BMP2K: variants seen among roughly 807,000 people sequenced by gnomAD.
BMP2K encodes BMP2 inducible kinase.
Under a neutral mutation model 116.0 loss-of-function variants are expected in BMP2K, and 74 were observed. That is an observed-to-expected ratio of 0.64 (90% CI 0.53 to 0.77). The LOEUF (loss-of-function observed/expected upper bound fraction) is 0.77. Ranked by LOEUF, BMP2K falls within the 30% of genes least tolerant of loss-of-function variation. The pLI is 0.00. For synonymous variants in BMP2K, 486 were observed against 502.5 expected (o/e 0.97, Z 0.44); for missense variants, 1,365 against 1,403.6 (o/e 0.97, Z 0.44).
intron 1 of BMP2K, among the ~76,000 whole-genome samples, chr4:78,824,405 CAG>C (rs1243852531): frequency 6.6e-6 from 1 of 152,156 alleles, no homozygotes; most frequent in Non-Finnish European, 1.5e-5. Flanking sequence ...GAATGAGGAG[CAG>C]AGTTACAACT....
intron 15 of BMP2K, among the ~76,000 whole-genome samples, chr4:78,902,365 T>C: frequency 6.6e-6 from 1 of 152,142 alleles, no homozygotes; most frequent in East Asian, 1.9e-4. Flanking sequence ...GGCTGGGAAA[T>C]ACTGTTCACA....
chr4:78,838,771 C>T (rs556453646), intron 3 of BMP2K, among the ~76,000 whole-genome samples: 7 of 152,252 alleles, frequency 4.6e-5, no homozygotes, highest in Admixed American at 1.3e-4. Context: ...TATCCCCTTA[C>T]GTGGTTTTAG....
chr4:78,859,993 A>C, intron 8 of BMP2K: 1 of 535,456 alleles, frequency 1.9e-6, no homozygotes, highest in Non-Finnish European at 3.5e-6. Flanking sequence ...TGGGCCTAAC[A>C]GTTTAATAAA....
At chr4:78,897,763 T>A (rs1055485596) in intron 15 of BMP2K, among the ~76,000 whole-genome samples, 3 of 152,194 alleles carry the variant, frequency 2.0e-5, no homozygotes, top group Non-Finnish European at 2.9e-5. Context: ...GTGATTAATA[T>A]GGGCATAGTC....
chr4:78,846,299 T>A (rs1730996203), intron 5 of BMP2K, among the ~76,000 whole-genome samples: 1 of 151,620 alleles, frequency 6.6e-6, no homozygotes, highest in African/African-American at 2.4e-5. Flanking sequence ...GTATAGTGAA[T>A]AAAAATCCTG....
chr4:78,841,099 G>A (rs770273797), intron 3 of BMP2K, among the ~76,000 whole-genome samples: 1 of 151,930 alleles, frequency 6.6e-6, no homozygotes, highest in African/African-American at 2.4e-5. Context: ...TGAAAGTTGG[G>A]GATTCATAGG....
At chr4:78,802,591 T>C (rs1728618324) in intron 1 of BMP2K, among the ~76,000 whole-genome samples, 1 of 152,226 alleles carries the variant, frequency 6.6e-6, no homozygotes, top group Non-Finnish European at 1.5e-5. Context: ...TTAATAGTTA[T>C]ATCTTTAAGT....
At chr4:78,807,999 T>G (rs577318486) in intron 1 of BMP2K, among the ~76,000 whole-genome samples, 2 of 152,222 alleles carry the variant, frequency 1.3e-5, no homozygotes, top group South Asian at 4.1e-4. Flanking sequence ...CCACCCTAAT[T>G]TTTGTTATTT....
At chr4:78,836,891 G>A (rs1730508692) in intron 3 of BMP2K, among the ~76,000 whole-genome samples, 2 of 152,174 alleles carry the variant, frequency 1.3e-5, no homozygotes, top group South Asian at 4.1e-4. Context: ...TTTCTCCATG[G>A]ACACTTTTAG....
intron 1 of BMP2K, among the ~76,000 whole-genome samples, chr4:78,811,903 CTG>C (rs1729110391): frequency 6.6e-6 from 1 of 152,166 alleles, no homozygotes; most frequent in South Asian, 2.1e-4. Flanking sequence ...TTACTTATAA[CTG>C]TTACTGAAGT....
rs1008671384 is a variant in BMP2K, at chr4:78,886,707, CA to C, written c.1952-460del. 3.3e-5 allele frequency among the ~76,000 whole-genome samples: 5 copies of C among 151,496 alleles called. No individual in the cohort carries two copies. The East Asian group carries it at 7.7e-4, about 23-fold the overall frequency. On this transcript the variant is annotated intron_variant, in intron 14 of 15. Coordinates refer to ENST00000502613, the MANE Select transcript of BMP2K (RefSeq NM_198892.2). ...AATGGTTTGATAGTACAAAGTAGTA[CA>C]AAAAAAGAACAAAAAAGTAAGATAT... is the stretch of plus-strand genomic sequence containing the variant.
intron 3 of BMP2K, among the ~76,000 whole-genome samples, chr4:78,840,977 G>A (rs1730732383): frequency 6.6e-6 from 1 of 152,104 alleles, no homozygotes; most frequent in Admixed American, 6.6e-5. Flanking sequence ...AGAGAAGCCT[G>A]GGTTTAATTA....
In BMP2K at chr4:78,910,683, T is replaced by C; in HGVS notation, c.2136T>C (p.Gly712=). The part of the protein sequence containing the change: ...ENGTANPIKN[G]KTSPASKDQR... ...GCACTGCAAACCCTATCAAGAACGGTAAAACAAGTCCAGCATCTAAAGATC... is the reference window on the plus strand; with the variant it reads ...GCACTGCAAACCCTATCAAGAACGGCAAAACAAGTCCAGCATCTAAAGATC... The change falls in exon 16 of 16, where the codon GGT becomes GGC. Residue 712 remains glycine, a synonymous_variant. Coordinates refer to ENST00000502613, the MANE Select transcript of BMP2K (RefSeq NM_198892.2). The C allele has an allele frequency of 6.2e-7, 1 of 1,608,222 alleles. No homozygotes were observed. Among genetic ancestry groups the C allele is most frequent in the South Asian group, 1.1e-5 (1 of 89,590 alleles).
chr4:78,852,737 C>T (rs550242259), intron 7 of BMP2K, among the ~76,000 whole-genome samples: 4 of 152,070 alleles, frequency 2.6e-5, no homozygotes, highest in Non-Finnish European at 4.4e-5. Context: ...TCCTGAGTAG[C>T]TGGAACTATG....
At chr4:78,805,728 T>C (rs1382278054) in intron 1 of BMP2K, among the ~76,000 whole-genome samples, 1 of 152,184 alleles carries the variant, frequency 6.6e-6, no homozygotes, top group Non-Finnish European at 1.5e-5. Flanking sequence ...CCCAGCACTT[T>C]GGGAGGCTGA....
intron 1 of BMP2K, among the ~76,000 whole-genome samples, chr4:78,816,142 C>T (rs1446529228): frequency 1.3e-5 from 2 of 152,132 alleles, no homozygotes; most frequent in African/African-American, 4.8e-5. Flanking sequence ...TTTCCTCTTT[C>T]TGGCTCCTGT....
At chr4:78,831,690 A>C (rs1253700638) in intron 2 of BMP2K, among the ~76,000 whole-genome samples, 1 of 152,246 alleles carries the variant, frequency 6.6e-6, no homozygotes, top group East Asian at 1.9e-4. Flanking sequence ...AACAAGGGAA[A>C]ACTTATTTTT....
At chr4:78,884,680 G>C (rs1384076545) in intron 14 of BMP2K, among the ~76,000 whole-genome samples, 1 of 152,190 alleles carries the variant, frequency 6.6e-6, no homozygotes, top group African/African-American at 2.4e-5. Context: ...ATGGAGAAGA[G>C]TGGGGGAGTC....
rs147996822 is a variant in BMP2K, at chr4:78,850,357, T to A, written c.751-567T>A. On this transcript the variant is annotated intron_variant, in intron 6 of 15. Coordinates refer to ENST00000502613, the MANE Select transcript of BMP2K (RefSeq NM_198892.2). The stretch of plus-strand genomic sequence containing the variant: ...TGAATTTTAATATAGATTACCCAGG[T>A]TACACATACAATTAGTATAATGTAC... 1.1e-3 allele frequency among the ~76,000 whole-genome samples: 172 copies of A among 151,950 alleles called. 1 individual carries two copies. The highest frequency in any genetic ancestry group is 3.9e-3 in the African/African-American group (162 of 41,528).
Sources: gnomAD v4.1 joint callset for allele counts (sites outside exome capture counted in the v4.1 genomes callset) on GRCh38, gnomAD v4.1.1 for gene constraint, MANE v1.5 for transcripts, NCBI Gene and HGNC (gene_info 2026-07-23, HGNC 2026-07-21) for gene names.